The following TBXAS1 variants were observed in gnomAD, a reference collection of about 807,000 sequenced individuals.
TBXAS1 encodes the protein thromboxane A synthase 1.
In TBXAS1, 48 loss-of-function variants were observed where a neutral mutation model predicts 60.7. The ratio of observed to expected loss-of-function variants is 0.79; its 90% CI spans 0.63 to 1.01. TBXAS1 has a LOEUF of 1.01. TBXAS1 is among the 50% of genes least tolerant of loss of function. The probability of loss-of-function intolerance (pLI) is 0.00; values close to 1 mark genes in which losing one functional copy is unlikely to be tolerated. For synonymous variants in TBXAS1, 287 were observed against 269.7 expected (o/e 1.06, Z -0.63); for missense variants, 685 against 686.3 (o/e 1.00, Z 0.02).
chr7:139,972,545 A>G (rs1396095983), intron 9 of TBXAS1, among the ~76,000 whole-genome samples: 1 of 152,194 alleles, frequency 6.6e-6, no homozygotes, highest in Non-Finnish European at 1.5e-5. Flanking sequence ...ATAAAAGAAT[A>G]AACATACTTT....
intron 3 of TBXAS1, among the ~76,000 whole-genome samples, chr7:139,901,424 A>C (rs1012071273): frequency 1.3e-5 from 2 of 151,106 alleles, no homozygotes; most frequent in Admixed American, 1.3e-4. Flanking sequence ...CCTTTAAAAA[A>C]ATCTAGATTA....
At chr7:139,841,738 C>T (rs546632414) in intron 1 of TBXAS1, among the ~76,000 whole-genome samples, 20 of 152,294 alleles carry the variant, frequency 1.3e-4, no homozygotes, top group African/African-American at 3.6e-4. Flanking sequence ...TATAAAGTAA[C>T]GTGACTGATT....
At chr7:139,844,966 T>A (rs1799703175) in intron 1 of TBXAS1, among the ~76,000 whole-genome samples, 2 of 151,620 alleles carry the variant, frequency 1.3e-5, no homozygotes, top group Admixed American at 6.5e-5. Context: ...CTCTCAGCAT[T>A]GGCACATTTT....
At chr7:139,905,023 CTTT>C (rs1804908548) in intron 3 of TBXAS1, among the ~76,000 whole-genome samples, 1 of 78,658 alleles carries the variant, frequency 1.3e-5, no homozygotes, top group African/African-American at 6.9e-5. Context: ...TTCTTTCTTT[CTTT>C]CTTTCTTTCT....
Position 140,017,666 on chromosome 7 carries a change from T to C in TBXAS1, c.1365-5T>C. The C allele has an allele frequency of 6.2e-7, 1 of 1,612,662 alleles. No homozygotes were observed. Among genetic ancestry groups the C allele is most frequent in the Non-Finnish European group, 8.5e-7 (1 of 1,179,652 alleles). ...TGGGCCAGCCCTGACCACACGGACC[T>C]GCAGGTTCACGGCTGAGGCCCGGCA... is the stretch of plus-strand genomic sequence containing the variant. On this transcript the variant is annotated splice_region_variant and splice_polypyrimidine_tract_variant and intron_variant, in intron 11 of 12. Transcript: ENST00000448866.
chr7:139,787,906 T>TA (rs1797248926), intron 4 of TBXAS1, among the ~76,000 whole-genome samples: 2 of 152,378 alleles, frequency 1.3e-5, no homozygotes, highest in South Asian at 4.1e-4. Context: ...TATATTGAGA[T>TA]ACAGTTACTA....
rs971059495 is a variant in TBXAS1, at chr7:140,004,317, A to G, written c.1135-2774A>G. Reference sequence around the variant, plus strand: ...TGTTTCTTCTGCAGTCTCTTTTTCGACTTGTCATGGTGCTTTTTATTTTCC... The same window carrying G: ...TGTTTCTTCTGCAGTCTCTTTTTCGGCTTGTCATGGTGCTTTTTATTTTCC... On this transcript the variant is annotated intron_variant, in intron 9 of 12. Transcript: ENST00000448866. The surrounding 1 kb of genome is among the most constrained non-coding windows in gnomAD (Gnocchi z 5.1). Among the ~76,000 whole-genome samples the G allele has an allele frequency of 5.9e-5, 9 of 152,066 alleles. No homozygotes were observed. Among genetic ancestry groups the G allele is most frequent in the African/African-American group, 1.9e-4 (8 of 41,412 alleles).
At chr7:139,957,478 C>A (rs1809955798) in intron 7 of TBXAS1, 156 bp from the exon 8 acceptor site, 3 of 890,934 alleles carry the variant, frequency 3.4e-6, no homozygotes, top group Non-Finnish European at 5.4e-6. Context: ...AGTGAGACAT[C>A]ACCCCTGCTC....
chr7:139,835,712 T>C (rs931170915), intron 1 of TBXAS1, among the ~76,000 whole-genome samples: 4 of 152,124 alleles, frequency 2.6e-5, no homozygotes, highest in Non-Finnish European at 5.9e-5. Flanking sequence ...CTCTGAGAAT[T>C]GGAACAAGAC....
At chr7:139,846,282 A>G (rs1478404684) in intron 1 of TBXAS1, among the ~76,000 whole-genome samples, 2 of 152,122 alleles carry the variant, frequency 1.3e-5, no homozygotes, top group African/African-American at 4.8e-5. Context: ...CTGCCTTTCC[A>G]CACTTTCTAT....
At chr7:139,813,630 CTG>C (rs541921262) in intron 4 of TBXAS1, among the ~76,000 whole-genome samples, 1 of 152,212 alleles carries the variant, frequency 6.6e-6, no homozygotes, top group South Asian at 2.1e-4. Flanking sequence ...TCACATGTAA[CTG>C]TTTTTCTGTA....
intron 1 of TBXAS1, among the ~76,000 whole-genome samples, chr7:139,839,029 C>T (rs897483830): frequency 2.0e-5 from 3 of 152,144 alleles, no homozygotes; most frequent in Admixed American, 1.3e-4. Flanking sequence ...TCGAGGCAAC[C>T]GTAAGTCCTA....
chr7:140,015,596 C>G (rs974610382), intron 10 of TBXAS1, 127 bp from the exon 11 acceptor site: 1 of 1,137,328 alleles, frequency 8.8e-7, no homozygotes. Context: ...TGTCCCCAGC[C>G]TCATTCCACA....
chr7:139,876,615 G>T (rs1287962351), intron 3 of TBXAS1, among the ~76,000 whole-genome samples: 1 of 152,094 alleles, frequency 6.6e-6, no homozygotes, highest in Non-Finnish European at 1.5e-5. Context: ...TTTTGAAAGG[G>T]ATTGGCTTGT....
chr7:139,823,706 T>C (rs989652814), intron 4 of TBXAS1, among the ~76,000 whole-genome samples: 1 of 152,214 alleles, frequency 6.6e-6, no homozygotes, highest in African/African-American at 2.4e-5. Flanking sequence ...AAACACTGCA[T>C]GTAAAGCCAA....
chr7:139,802,085 C>A (rs1304083243), intron 4 of TBXAS1, among the ~76,000 whole-genome samples: 1 of 152,210 alleles, frequency 6.6e-6, no homozygotes, highest in East Asian at 1.9e-4. Context: ...TTAACTGTGT[C>A]AACTCTCTCA....
intron 5 of TBXAS1, among the ~76,000 whole-genome samples, chr7:139,944,536 T>C (rs1427380780): frequency 6.6e-6 from 1 of 152,204 alleles, no homozygotes; most frequent in Non-Finnish European, 1.5e-5. Context: ...ATTTCAGCTG[T>C]TTAGCCCCCA....
At chr7:139,962,372 G>T (rs8192837) in intron 9 of TBXAS1, 139 bp downstream of exon 9, 3 of 1,036,744 alleles carry the variant, frequency 2.9e-6, no homozygotes, top group Non-Finnish European at 4.3e-6. Context: ...TCATTGCTTG[G>T]CTTCTCCTGC....
At chr7:139,832,700 T>C (rs933603886) in intron 1 of TBXAS1, among the ~76,000 whole-genome samples, 2 of 151,992 alleles carry the variant, frequency 1.3e-5, no homozygotes, top group African/African-American at 2.4e-5. Flanking sequence ...ATCTTAAGAG[T>C]TGTGAGACAG....
Sources: allele counts gnomAD v4.1 joint callset (sites outside exome capture counted in the v4.1 genomes callset), GRCh38; gene constraint gnomAD v4.1.1; non-coding constraint Gnocchi (gnomAD v3.1); transcripts MANE v1.5; gene names NCBI Gene and HGNC (gene_info 2026-07-23, HGNC 2026-07-21).